APC: variants seen among roughly 807,000 people sequenced by gnomAD.
The protein encoded by APC is APC regulator of Wnt signaling pathway.
Under a neutral mutation model 247.0 loss-of-function variants are expected in APC, and 72 were observed. That is an observed-to-expected ratio of 0.29 (90% CI 0.24 to 0.35). APC has a LOEUF of 0.35. Ranked by LOEUF, APC falls within the 10% of genes least tolerant of loss-of-function variation. The pLI is 1.00. For missense variants in APC, 3,400 were observed against 3,360.7 expected, an observed-to-expected ratio of 1.01 and a Z score of -0.29; for synonymous variants, 1,254 against 1,162.5, an observed-to-expected ratio of 1.08 and a Z score of -1.60.
In APC at chr5:112,818,979, A is replaced by T. The variant is rs876659673; in HGVS notation, c.947A>T (p.Tyr316Phe). Residue 316 changes from tyrosine (Y) to phenylalanine (F), a missense_variant, in exon 10 of 16, where the codon TAT (tyrosine) becomes TTT (phenylalanine). Around this residue, in one of 9 missense-constraint regions of APC, gnomAD observed 8 missense variants for 24.3 expected, o/e 0.33. Transcript: ENST00000257430. Reference sequence around the variant, plus strand: ...TTTGGCCCACAGGTGGAAATGGTGTATTCATTGTTGTCAATGCTTGGTACT... The same window carrying T: ...TTTGGCCCACAGGTGGAAATGGTGTTTTCATTGTTGTCAATGCTTGGTACT... Reference protein sequence around the residue: ...SHLGTKVEMVYSLLSMLGTHD... With the variant: ...SHLGTKVEMVFSLLSMLGTHD... 6.2e-7 allele frequency: 1 copy of T among 1,613,976 alleles called. No homozygotes were observed.
rs768685742 is a variant in APC at position 112,837,667 on chromosome 5, T to C, written c.2073T>C (p.Asn691=). 4 of 1,613,852 alleles carry C rather than the reference T, an allele frequency of 2.5e-6. No individual in the cohort carries two copies. The highest frequency in any genetic ancestry group is 4.5e-5 in the East Asian group (2 of 44,880). ...CGTLWNLSAR[N]PKDQEALWDM... is the part of the protein sequence containing the mutation. ...CTTTGTGGAATCTCTCAGCAAGAAATCCTAAAGACCAGGAAGCATTATGGG... is the reference window on the plus strand; with the variant it reads ...CTTTGTGGAATCTCTCAGCAAGAAACCCTAAAGACCAGGAAGCATTATGGG... The change falls in exon 16 of 16, where the codon AAT becomes AAC. Residue 691 remains asparagine (N), a synonymous_variant. Coordinates refer to ENST00000257430, the MANE Select transcript of APC (RefSeq NM_000038.6).
Position 112,780,802 on chromosome 5 carries a change from A to G in APC, c.544A>G (p.Thr182Ala), listed in dbSNP as rs1256814873. Residue 182 changes from threonine to alanine, a missense_variant, in exon 6 of 16, where the codon ACA becomes GCA. Thr to Ala is a moderately conservative substitution (Grantham distance 58). Transcript: ENST00000257430. ...LPLTENFSLQ[T>A]DMTRRQLEYE... ...TTTGTGGTTTTAGTTTTCCTTACAA[A>G]CAGATATGACCAGAAGGCAATTGGA... The G allele has an allele frequency of 1.2e-6, 2 of 1,611,226 alleles. No individual in the cohort carries two copies. The highest frequency in any genetic ancestry group is 1.7e-6 in the Non-Finnish European group (2 of 1,177,666).
intron 1 of APC, among the ~76,000 whole-genome samples, chr5:112,749,226 A>G (rs1023254531): frequency 6.6e-6 from 1 of 152,190 alleles, no homozygotes; most frequent in Non-Finnish European, 1.5e-5. Context: ...AGATTTTTCA[A>G]ATCAACATTT....
chr5:112,803,793 C>A (rs1340613017), intron 8 of APC, among the ~76,000 whole-genome samples: 1 of 152,146 alleles, frequency 6.6e-6, no homozygotes, highest in Non-Finnish European at 1.5e-5. Context: ...AATTACATCT[C>A]TATTTATGTA....
intron 1 of APC, among the ~76,000 whole-genome samples, chr5:112,719,325 C>A (rs958009844): frequency 6.6e-6 from 1 of 151,940 alleles, no homozygotes; most frequent in African/African-American, 2.4e-5. Context: ...TCAAGCAATT[C>A]TCCTGCCTCA....
At chr5:112,741,943 A>G (rs957171364) in intron 1 of APC, among the ~76,000 whole-genome samples, 2 of 152,212 alleles carry the variant, frequency 1.3e-5, no homozygotes, top group Non-Finnish European at 2.9e-5. Flanking sequence ...TACTGTAGCC[A>G]TGTGTCAGAA....
In APC at chr5:112,838,337, G is replaced by A. The variant is rs1446823177; in HGVS notation, c.2743G>A (p.Val915Met). The A allele has an allele frequency of 6.2e-7, 1 of 1,614,098 alleles. No individual in the cohort carries two copies. Among genetic ancestry groups the A allele is most frequent in the African/African-American group, 1.3e-5 (1 of 74,930 alleles). The change falls in exon 16 of 16, where the codon GTG (valine) becomes ATG (methionine). Residue 915 changes from valine (V) to methionine (M), a missense_variant. By Grantham distance (21) the Val-to-Met change is conservative. Around this residue, in one of 9 missense-constraint regions of APC, gnomAD observed 715 missense variants for 656.6 expected, o/e 1.09. Transcript: ENST00000257430. ...SSGSTTELHC[V>M]TDERNALRRS... is the part of the protein sequence containing the mutation. ...TGGGTCTACCACTGAATTACATTGT[G>A]TGACAGATGAGAGAAATGCACTTAG...
chr5:112,746,881 A>G (rs542556278), intron 1 of APC, among the ~76,000 whole-genome samples: 33 of 152,372 alleles, frequency 2.2e-4, no homozygotes, highest in Non-Finnish European at 4.6e-4. Flanking sequence ...ATATGATTGC[A>G]TACCCAGAAA....
chr5:112,817,090 G>A (rs1458076292), intron 9 of APC, among the ~76,000 whole-genome samples: 2 of 151,892 alleles, frequency 1.3e-5, no homozygotes, highest in Non-Finnish European at 1.5e-5. Flanking sequence ...GGCTGGTCTC[G>A]AACTCCTGAT....
chr5:112,797,303 A>C (rs557577913), intron 7 of APC, among the ~76,000 whole-genome samples: 1 of 152,292 alleles, frequency 6.6e-6, no homozygotes, highest in African/African-American at 2.4e-5. Context: ...GCATTATTTT[A>C]TTCTTCTAAT....
chr5:112,774,947 A>C (rs758717833), intron 4 of APC, among the ~76,000 whole-genome samples: 1 of 152,208 alleles, frequency 6.6e-6, no homozygotes, highest in Non-Finnish European at 1.5e-5. Context: ...AGCTCTGGCA[A>C]AGAGCCACGT....
Position 112,775,508 on chromosome 5 carries a change from G to A in APC, c.423-121G>A, listed in dbSNP as rs2149613048. The A allele has an allele frequency of 1.2e-5, 7 of 586,928 alleles. 1 individual carries two copies. Among genetic ancestry groups the A allele is most frequent in the South Asian group, 9.5e-5 (4 of 42,172 alleles). The allele number at this position is 586,928 out of a possible 1,614,324, so 36.4% of individuals were successfully genotyped here. A position where few individuals can be genotyped will look rare whatever the true frequency, so the allele number is the denominator to read the frequency against. On this transcript the variant is annotated intron_variant, in intron 4 of 15. Transcript: ENST00000257430. ...ATTGAAATCAATGTAAATTTTTTGAGTAATTCATTATTAGCACTTTAGGTA... is the reference window on the plus strand; with the variant it reads ...ATTGAAATCAATGTAAATTTTTTGAATAATTCATTATTAGCACTTTAGGTA...
chr5:112,734,642 G>A (rs1340599181), upstream of APC, among the ~76,000 whole-genome samples: 2 of 152,124 alleles, frequency 1.3e-5, no homozygotes, highest in African/African-American at 2.4e-5. Context: ...CAATTAAGGC[G>A]ACTGAAAGGA....
intron 1 of APC, among the ~76,000 whole-genome samples, chr5:112,739,100 C>T (rs1314093252): frequency 2.0e-5 from 3 of 152,168 alleles, no homozygotes; most frequent in Non-Finnish European, 4.4e-5. Context: ...TTTTAGATAA[C>T]ACTGAATAAA....
At chr5:112,801,943 T>C (rs960031651) in intron 8 of APC, among the ~76,000 whole-genome samples, 7 of 152,084 alleles carry the variant, frequency 4.6e-5, no homozygotes, top group Non-Finnish European at 8.8e-5. Context: ...CTTTTTTTTT[T>C]TACATACAGA....
rs550537440 is a variant in APC at position 112,787,784 on chromosome 5, A to G, written c.646-4662A>G. ...AAAAATAAACTTTTATGATAGAGCT[A>G]AATTAGTTATATTGCCAGATTTATA... On this transcript the variant is annotated intron_variant, in intron 6 of 15. Transcript: ENST00000257430. Among the ~76,000 whole-genome samples, 43 of 152,334 alleles carry G rather than the reference A, an allele frequency of 2.8e-4. No homozygotes were observed. The South Asian group carries it at 8.9e-3, about 32-fold the overall frequency.
At position 112,835,115 on chromosome 5, in the gene APC, T is replaced by C. The variant is rs79015778; in HGVS notation, c.1908T>C (p.Gly636=). The C allele has an allele frequency of 2.5e-6, 4 of 1,614,066 alleles. No individual in the cohort carries two copies. Among genetic ancestry groups the C allele is most frequent in the Non-Finnish European group, 3.4e-6 (4 of 1,179,990 alleles). The part of the protein sequence containing the change: ...TNTLAIIESG[G]GILRNVSSLI... ...CTTTAGCCATTATTGAAAGTGGAGG[T>C]GGGATATTACGGAATGTGTCCAGCT... The change falls in exon 15 of 16, where the codon GGT becomes GGC. Residue 636 remains glycine, a synonymous_variant. Transcript: ENST00000257430.
chr5:112,804,070 A>G, intron 8 of APC, among the ~76,000 whole-genome samples: 1 of 152,176 alleles, frequency 6.6e-6, no homozygotes, highest in East Asian at 1.9e-4. Flanking sequence ...TCCACAGGAC[A>G]TTCCTTTGGT....
chr5:112,823,931 C>T (rs1447627134), intron 11 of APC, among the ~76,000 whole-genome samples: 1 of 152,130 alleles, frequency 6.6e-6, no homozygotes, highest in Non-Finnish European at 1.5e-5. Flanking sequence ...CTGGCTGATT[C>T]TTATGTTCGG....
Sources: allele counts gnomAD v4.1 joint callset (sites outside exome capture counted in the v4.1 genomes callset), GRCh38; gene constraint gnomAD v4.1.1; regional missense constraint gnomAD v4.1.1; transcripts MANE v1.5; gene names NCBI Gene and HGNC (gene_info 2026-07-23, HGNC 2026-07-21).